CLSTN2: variants seen among roughly 807,000 people sequenced by gnomAD.
CLSTN2 encodes calsyntenin 2.
CLSTN2 carries 48 observed loss-of-function variants against 101.2 expected under a neutral mutation model. The observed-to-expected ratio is 0.47, with a 90% CI of 0.38 to 0.60. The LOEUF (loss-of-function observed/expected upper bound fraction) is 0.60, where lower values mean the gene tolerates loss of function less well. Ranked by LOEUF, CLSTN2 falls within the 20% of genes least tolerant of loss-of-function variation. The pLI, the probability that CLSTN2 is intolerant of heterozygous loss-of-function variation, is 0.00. For missense variants in CLSTN2, 1,160 were observed against 1,238.2 expected (o/e 0.94, Z 0.95); for synonymous variants, 481 against 463.6 (o/e 1.04, Z -0.48).
At chr3:140,431,925 A>G (rs746597651) in intron 5 of CLSTN2, among the ~76,000 whole-genome samples, 2 of 152,260 alleles carry the variant, frequency 1.3e-5, no homozygotes, top group Non-Finnish European at 2.9e-5. Flanking sequence ...ATTCCAGCAT[A>G]GAAGTACTTC....
chr3:140,227,874 G>A (rs1031358437), intron 2 of CLSTN2, among the ~76,000 whole-genome samples: 1 of 152,166 alleles, frequency 6.6e-6, no homozygotes, highest in African/African-American at 2.4e-5. Context: ...GAGTGGCTGG[G>A]ACACAGGACA....
chr3:140,034,992 C>T (rs1031236310), intron 1 of CLSTN2, among the ~76,000 whole-genome samples: 4 of 152,190 alleles, frequency 2.6e-5, no homozygotes, highest in African/African-American at 9.7e-5. Flanking sequence ...CTTTGGAGTT[C>T]CATTCTTGAT....
At chr3:139,977,723 G>A (rs1228734163) in intron 1 of CLSTN2, among the ~76,000 whole-genome samples, 1 of 152,054 alleles carries the variant, frequency 6.6e-6, no homozygotes, top group Admixed American at 6.6e-5. Flanking sequence ...GGGGGCAGTG[G>A]GCAAAGCCCT....
intron 1 of CLSTN2, among the ~76,000 whole-genome samples, chr3:139,962,062 T>C (rs1382597633): frequency 6.6e-6 from 1 of 152,176 alleles, no homozygotes; most frequent in Non-Finnish European, 1.5e-5. Flanking sequence ...GATATATTAG[T>C]GGTTTCCAAT....
At chr3:140,550,551 A>G (rs1375857106) in intron 10 of CLSTN2, among the ~76,000 whole-genome samples, 2 of 151,896 alleles carry the variant, frequency 1.3e-5, no homozygotes, top group Non-Finnish European at 2.9e-5. Flanking sequence ...TCTTTTTCTG[A>G]TTCTAAATTT....
chr3:140,140,264 A>G (rs1308262148), intron 1 of CLSTN2, among the ~76,000 whole-genome samples: 1 of 152,130 alleles, frequency 6.6e-6, no homozygotes, highest in Non-Finnish European at 1.5e-5. Context: ...GGTAGTTTAT[A>G]AAGAAAGGGG....
intron 2 of CLSTN2, among the ~76,000 whole-genome samples, chr3:140,183,981 A>G (rs1167520407): frequency 6.6e-6 from 1 of 152,076 alleles, no homozygotes; most frequent in Non-Finnish European, 1.5e-5. Flanking sequence ...AACAACAACC[A>G]TTACTTCTTT....
chr3:140,486,878 G>A (rs531616765), intron 8 of CLSTN2, among the ~76,000 whole-genome samples: 4 of 152,148 alleles, frequency 2.6e-5, no homozygotes, highest in South Asian at 2.1e-4. Context: ...CAGGATTCTC[G>A]AAAGCCTAGA....
intron 1 of CLSTN2, among the ~76,000 whole-genome samples, chr3:140,137,288 G>A (rs1338918692): frequency 1.3e-5 from 2 of 152,044 alleles, no homozygotes; most frequent in Non-Finnish European, 2.9e-5. Flanking sequence ...TACAAATATA[G>A]GATTCTTTTG....
chr3:140,134,945 T>C (rs1030139552), intron 1 of CLSTN2, among the ~76,000 whole-genome samples: 1 of 151,614 alleles, frequency 6.6e-6, no homozygotes, highest in African/African-American at 2.4e-5. Flanking sequence ...TATATGAACA[T>C]TTTAGAATAT....
intron 1 of CLSTN2, among the ~76,000 whole-genome samples, chr3:139,970,664 C>A (rs920848802): frequency 7.2e-5 from 11 of 152,292 alleles, no homozygotes; most frequent in Admixed American, 5.2e-4. Context: ...CCATAGTGGG[C>A]CCTCTGCCCC....
intron 2 of CLSTN2, among the ~76,000 whole-genome samples, chr3:140,191,939 A>G (rs1043435434): frequency 1.3e-5 from 2 of 151,408 alleles, no homozygotes; most frequent in African/African-American, 4.8e-5. Flanking sequence ...GGGAGCTTTG[A>G]TTATTGATTT....
At chr3:140,273,120 TA>T (rs2086759563) in intron 2 of CLSTN2, among the ~76,000 whole-genome samples, 1 of 152,058 alleles carries the variant, frequency 6.6e-6, no homozygotes, top group Non-Finnish European at 1.5e-5. Flanking sequence ...ACCCTAGGAA[TA>T]AAAAACTTTT....
chr3:140,427,132 C>T lies in CLSTN2; in HGVS notation c.787+5858C>T, dbSNP rs574297401. Among the ~76,000 whole-genome samples, 227 of 140,138 alleles carry T rather than the reference C, an allele frequency of 1.6e-3. 4 individuals carry two copies. The highest frequency in any genetic ancestry group is 0.013 in the Admixed American group (189 of 14,226). The allele number at this position is 140,138 out of a possible 152,430, so 91.9% of individuals were successfully genotyped here. On this transcript the variant is annotated intron_variant, in intron 5 of 16. Transcript: ENST00000458420. The stretch of plus-strand genomic sequence containing the variant: ...TGGAGGTTGCAGTTAGCCAGTAGTG[C>T]GCCACTGCACTCCTGCCTGGGCGAC...
At chr3:140,134,758 G>C (rs1012234944) in intron 1 of CLSTN2, among the ~76,000 whole-genome samples, 2 of 152,118 alleles carry the variant, frequency 1.3e-5, no homozygotes, top group Non-Finnish European at 2.9e-5. Flanking sequence ...GGGGGAAGGA[G>C]AGGGTGGAGG....
chr3:140,205,818 G>A (rs1293419404), intron 2 of CLSTN2, among the ~76,000 whole-genome samples: 1 of 152,122 alleles, frequency 6.6e-6, no homozygotes, highest in East Asian at 1.9e-4. Context: ...CCCTGATCAA[G>A]GCAGACAGCC....
chr3:140,553,729 C>T (rs1018262500), intron 10 of CLSTN2, among the ~76,000 whole-genome samples: 1 of 152,166 alleles, frequency 6.6e-6, no homozygotes, highest in African/African-American at 2.4e-5. Context: ...CTTTCACTGC[C>T]TCAGCTCAGA....
intron 2 of CLSTN2, among the ~76,000 whole-genome samples, chr3:140,379,183 T>C (rs969177676): frequency 6.6e-6 from 1 of 152,248 alleles, no homozygotes; most frequent in African/African-American, 2.4e-5. Context: ...TCCCCTTTAG[T>C]TGCTGCTGAG....
chr3:140,278,075 G>C (rs552518883), intron 2 of CLSTN2, among the ~76,000 whole-genome samples: 11 of 152,176 alleles, frequency 7.2e-5, no homozygotes, highest in Non-Finnish European at 1.6e-4. Context: ...TCACAGGCCC[G>C]CAGAATCAGT....
Sources: allele counts gnomAD v4.1 joint callset (sites outside exome capture counted in the v4.1 genomes callset), GRCh38; gene constraint gnomAD v4.1.1; transcripts MANE v1.5; gene names NCBI Gene and HGNC (gene_info 2026-07-23, HGNC 2026-07-21).